Variants in FCHO2 observed in about 807,000 individuals in gnomAD.
The protein encoded by FCHO2 is FCH and mu domain containing endocytic adaptor 2.
In FCHO2, 43 loss-of-function variants were observed where a neutral mutation model predicts 114.1. That is an observed-to-expected ratio of 0.38 (90% CI 0.30 to 0.49). The LOEUF (loss-of-function observed/expected upper bound fraction) is 0.49, where lower values mean the gene tolerates loss of function less well. Ranked by LOEUF, FCHO2 falls within the 20% of genes least tolerant of loss-of-function variation. The probability of loss-of-function intolerance (pLI) is 0.97; values close to 1 mark genes in which losing one functional copy is unlikely to be tolerated. For missense variants in FCHO2, 807 were observed against 950.4 expected, an observed-to-expected ratio of 0.85 and a Z score of 1.98; for synonymous variants, 293 against 315.2, an observed-to-expected ratio of 0.93 and a Z score of 0.75.
chr5:72,985,477 G>C (rs1252273156), intron 2 of FCHO2, among the ~76,000 whole-genome samples: 1 of 152,062 alleles, frequency 6.6e-6, no homozygotes, highest in East Asian at 1.9e-4. Flanking sequence ...CAGTATTTTG[G>C]AAAGAATACT....
chr5:73,062,701 T>A (rs565883385), intron 17 of FCHO2, among the ~76,000 whole-genome samples: 24 of 152,192 alleles, frequency 1.6e-4, no homozygotes, highest in African/African-American at 4.8e-4. Flanking sequence ...GCTTTCTAAG[T>A]GATTCCCTAC....
chr5:72,979,407 T>TTGAGACG (rs1753065452), intron 2 of FCHO2, among the ~76,000 whole-genome samples: 1 of 136,968 alleles, frequency 7.3e-6, no homozygotes, highest in Non-Finnish European at 1.6e-5. Flanking sequence ...TTTTTTTTTT[T>TTGAGACG]TTGAGACGGA....
chr5:73,043,189 C>T (rs1311045481), intron 11 of FCHO2, among the ~76,000 whole-genome samples: 1 of 152,082 alleles, frequency 6.6e-6, no homozygotes, highest in Non-Finnish European at 1.5e-5. Context: ...GCTTCAGTCT[C>T]CCAGAGTGCT....
chr5:73,007,663 G>A (rs770275709), intron 6 of FCHO2, among the ~76,000 whole-genome samples: 23 of 152,136 alleles, frequency 1.5e-4, no homozygotes, highest in Admixed American at 1.2e-3. Context: ...ACCTACAATG[G>A]CATAGACTCT....
rs181172427 is a variant in FCHO2 at position 73,083,409 on chromosome 5, G to A, written c.2245+584G>A. Among the ~76,000 whole-genome samples, 8 of 152,266 alleles carry A rather than the reference G, an allele frequency of 5.3e-5. No homozygotes were observed. In the East Asian group the frequency reaches 1.5e-3, roughly 29 times the overall value. On this transcript the variant is annotated intron_variant, in intron 24 of 25. Coordinates refer to ENST00000430046, the MANE Select transcript of FCHO2 (RefSeq NM_138782.3). ...TTTGCCATAACTTTATAAATATTAT[G>A]TAAATACTTCTTATATTTACATGCT...
chr5:72,981,339 G>T (rs1290678720), intron 2 of FCHO2, among the ~76,000 whole-genome samples: 1 of 152,178 alleles, frequency 6.6e-6, no homozygotes, highest in Admixed American at 6.5e-5. Context: ...GCTTCCCTTT[G>T]TGGGTAACCC....
intron 2 of FCHO2, among the ~76,000 whole-genome samples, 178 bp from the exon 3 acceptor site, chr5:72,989,249 A>G (rs1753699383): frequency 6.6e-6 from 1 of 152,228 alleles, no homozygotes; most frequent in South Asian, 2.1e-4. Flanking sequence ...TTTTAGTTCT[A>G]TACCAGAAAG....
intron 6 of FCHO2, among the ~76,000 whole-genome samples, chr5:73,007,728 C>G (rs1209910086): frequency 6.6e-6 from 1 of 152,106 alleles, no homozygotes; most frequent in Non-Finnish European, 1.5e-5. Context: ...TATCTCCGTG[C>G]TTGAGATGGT....
At chr5:73,054,071 A>G (rs1757469402) in intron 13 of FCHO2, 89 bp from the exon 14 acceptor site, 1 of 1,046,958 alleles carries the variant, frequency 9.6e-7, no homozygotes, top group Non-Finnish European at 1.4e-6. Context: ...TTTAGATATG[A>G]TTGAATAGGG....
At chr5:73,062,656 A>G (rs1691127473) in intron 17 of FCHO2, among the ~76,000 whole-genome samples, 1 of 152,012 alleles carries the variant, frequency 6.6e-6, no homozygotes, top group Non-Finnish European at 1.5e-5. Context: ...AGCAACCTGA[A>G]CAGCGTTTGC....
At chr5:73,028,402 G>A (rs1051411816) in intron 8 of FCHO2, among the ~76,000 whole-genome samples, 1 of 152,100 alleles carries the variant, frequency 6.6e-6, no homozygotes, top group African/African-American at 2.4e-5. Context: ...GGAAATATAT[G>A]TGCAAAGACT....
chr5:72,987,909 CT>C (rs1168125784), intron 2 of FCHO2, among the ~76,000 whole-genome samples: 1 of 152,008 alleles, frequency 6.6e-6, no homozygotes, highest in African/African-American at 2.4e-5. Flanking sequence ...TTTAGATATT[CT>C]GAGTTTGAGG....
At position 73,078,256 on chromosome 5, in the gene FCHO2, C is replaced by T. The variant is rs201144240; in HGVS notation, c.1924C>T (p.Leu642=). The T allele has an allele frequency of 1.4e-4, 225 of 1,595,868 alleles. No homozygotes were observed. The highest frequency in any genetic ancestry group is 2.7e-5 in the Non-Finnish European group (32 of 1,170,738). The change falls in exon 22 of 26, where the codon CTG becomes TTG. Residue 642 remains leucine (L), a synonymous_variant. Coordinates refer to ENST00000430046, the MANE Select transcript of FCHO2 (RefSeq NM_138782.3). Reference sequence around the variant, plus strand: ...AGCTGTTACAGTCTACCTCAAGAAGCTGTCAGAGCAAAATCCAGCTGCTTC... The same window carrying T: ...AGCTGTTACAGTCTACCTCAAGAAGTTGTCAGAGCAAAATCCAGCTGCTTC... ...MQAVTVYLKK[L]SEQNPAASYY...
intron 2 of FCHO2, among the ~76,000 whole-genome samples, chr5:72,971,113 G>A (rs1752527065): frequency 6.6e-6 from 1 of 152,030 alleles, no homozygotes; most frequent in East Asian, 1.9e-4. Context: ...TTGGACATTT[G>A]GGTTGGTTCC....
intron 11 of FCHO2, among the ~76,000 whole-genome samples, chr5:73,049,237 T>C (rs1318549624): frequency 6.6e-6 from 1 of 152,184 alleles, no homozygotes; most frequent in African/African-American, 2.4e-5. Context: ...TCATTTTGTT[T>C]GTTTTTTGCT....
At chr5:73,050,597 G>A (rs537009658) in intron 11 of FCHO2, among the ~76,000 whole-genome samples, 1 of 152,254 alleles carries the variant, frequency 6.6e-6, no homozygotes, top group Non-Finnish European at 1.5e-5. Flanking sequence ...AACTACAGGC[G>A]TGAGCCACTG....
At chr5:72,981,039 C>T (rs1358352615) in intron 2 of FCHO2, among the ~76,000 whole-genome samples, 1 of 151,986 alleles carries the variant, frequency 6.6e-6, no homozygotes, top group Non-Finnish European at 1.5e-5. Context: ...TTCATAATGT[C>T]GGTGGTCTTT....
intron 2 of FCHO2, among the ~76,000 whole-genome samples, chr5:72,973,513 A>G (rs1752683658): frequency 6.6e-6 from 1 of 152,080 alleles, no homozygotes; most frequent in East Asian, 1.9e-4. Flanking sequence ...GTATTCTCTG[A>G]TGGTAGTTTG....
chr5:72,956,138 A>C lies in FCHO2; in HGVS notation c.33+9A>C. ...TCGTCGAGAATTTTTGGGTAAGCTT[A>C]GGATGTTGGAAGTCGTGTGTTTCGA... On this transcript the variant is annotated intron_variant, in intron 1 of 25. Transcript: ENST00000430046. 1 of 1,536,186 alleles carries C rather than the reference A, an allele frequency of 6.5e-7. No individual in the cohort carries two copies. The highest frequency in any genetic ancestry group is 8.8e-7 in the Non-Finnish European group (1 of 1,141,008).
Sources: gnomAD v4.1 joint callset for allele counts (sites outside exome capture counted in the v4.1 genomes callset) on GRCh38, gnomAD v4.1.1 for gene constraint, MANE v1.5 for transcripts, NCBI Gene and HGNC (gene_info 2026-07-23, HGNC 2026-07-21) for gene names.